PPFIA2: variants seen among roughly 807,000 people sequenced by gnomAD.
PPFIA2 encodes liprin-alpha-2.
A neutral mutation model predicts 175.5 loss-of-function variants in PPFIA2; 46 were observed. That is an observed-to-expected ratio of 0.26 (90% CI 0.21 to 0.34). The LOEUF is 0.34. PPFIA2 is among the 10% of genes least tolerant of loss of function. PPFIA2 has a pLI of 1.00. For missense variants in PPFIA2, 1,179 were observed against 1,506.1 expected, an observed-to-expected ratio of 0.78 and a Z score of 3.60; for synonymous variants, 568 against 511.4, an observed-to-expected ratio of 1.11 and a Z score of -1.49.
intron 7 of PPFIA2, among the ~76,000 whole-genome samples, chr12:81,428,325 G>T (rs1251322959): frequency 6.6e-6 from 1 of 151,960 alleles, no homozygotes; most frequent in East Asian, 1.9e-4. Context: ...CTTATACACA[G>T]TAGGTGACAC....
chr12:81,659,521 T>A (rs1414208848), intron 4 of PPFIA2, among the ~76,000 whole-genome samples: 1 of 152,186 alleles, frequency 6.6e-6, no homozygotes, highest in African/African-American at 2.4e-5. Flanking sequence ...GCGCCCGCCA[T>A]TGCTGAGGCT....
At chr12:81,293,316 G>C (rs2045553687) in intron 24 of PPFIA2, among the ~76,000 whole-genome samples, 1 of 151,760 alleles carries the variant, frequency 6.6e-6, no homozygotes, top group South Asian at 2.1e-4. Context: ...TGCCTTTTTT[G>C]TCACATTTTG....
chr12:81,555,223 C>T (rs928798623), intron 4 of PPFIA2, among the ~76,000 whole-genome samples: 7 of 151,832 alleles, frequency 4.6e-5, no homozygotes, highest in Non-Finnish European at 8.8e-5. Context: ...ATTTGACAAC[C>T]TTTTTAATAG....
intron 5 of PPFIA2, among the ~76,000 whole-genome samples, chr12:81,452,919 T>A (rs1203341528): frequency 6.6e-6 from 1 of 152,196 alleles, no homozygotes; most frequent in Non-Finnish European, 1.5e-5. Context: ...TATTTATAAC[T>A]AGGTATTAAT....
chr12:81,280,217 G>A (rs991697488), intron 27 of PPFIA2, among the ~76,000 whole-genome samples: 25 of 151,980 alleles, frequency 1.6e-4, no homozygotes, highest in Non-Finnish European at 3.4e-4. Context: ...GGAGAGTTTC[G>A]TGCTAAGGAT....
intron 4 of PPFIA2, among the ~76,000 whole-genome samples, chr12:81,558,552 T>C (rs1050624332): frequency 6.6e-6 from 1 of 152,130 alleles, no homozygotes; most frequent in Non-Finnish European, 1.5e-5. Flanking sequence ...ACATTGGTGG[T>C]AGTGGAGACA....
chr12:81,631,686 A>T (rs2063404471), intron 4 of PPFIA2, among the ~76,000 whole-genome samples: 2 of 152,238 alleles, frequency 1.3e-5, no homozygotes, highest in South Asian at 4.1e-4. Context: ...CATAATTTCC[A>T]CAGTGTCTAC....
At chr12:81,595,343 C>T (rs556420703) in intron 4 of PPFIA2, among the ~76,000 whole-genome samples, 3 of 151,760 alleles carry the variant, frequency 2.0e-5, no homozygotes, top group Admixed American at 6.6e-5. Context: ...ACTTCTAATG[C>T]ATAAGAATAC....
intron 22 of PPFIA2, among the ~76,000 whole-genome samples, chr12:81,314,014 T>C (rs2051664041): frequency 6.6e-6 from 1 of 151,980 alleles, no homozygotes; most frequent in Non-Finnish European, 1.5e-5. Context: ...ATATTTTTGT[T>C]ATCAATTCGT....
intron 4 of PPFIA2, among the ~76,000 whole-genome samples, chr12:81,603,972 G>C (rs1027260231): frequency 6.6e-6 from 1 of 151,330 alleles, no homozygotes; most frequent in Non-Finnish European, 1.5e-5. Flanking sequence ...GCCTGGTATT[G>C]TTTCCAGGCT....
intron 4 of PPFIA2, chr12:81,545,450 G>T (rs2066841817): frequency 6.5e-6 from 1 of 152,812 alleles, no homozygotes; most frequent in Non-Finnish European, 1.5e-5. Context: ...ATAAGATGGG[G>T]GGCGGGTGCC....
intron 6 of PPFIA2, among the ~76,000 whole-genome samples, chr12:81,442,798 TG>T (rs1197606180): frequency 7.2e-6 from 1 of 138,620 alleles, no homozygotes; most frequent in Non-Finnish European, 1.6e-5. Flanking sequence ...ATGATAAAGT[TG>T]TTTGTTTCCT....
In PPFIA2 at chr12:81,754,059, T is replaced by C; in HGVS notation, c.163A>G (p.Ser55Gly). ...AGTCTTTGCTGGGCAAGTGAGAGGC[T>C]TTCCTGGGTCTCCCGAAGGGTGTCT... Reference protein sequence around the residue: ...LLDTLRETQESLSLAQQRLQD... With the variant: ...LLDTLRETQEGLSLAQQRLQD... The change falls in exon 3 of 33, where the codon AGC becomes GGC. Residue 55 changes from serine to glycine, a missense_variant. Coordinates refer to ENST00000549396, the MANE Select transcript of PPFIA2 (RefSeq NM_003625.5). 2.5e-6 allele frequency: 4 copies of C among 1,613,840 alleles called. No individual in the cohort carries two copies. Among genetic ancestry groups the C allele is most frequent in the African/African-American group, 1.3e-5 (1 of 75,042 alleles).
chr12:81,584,605 C>T lies in PPFIA2; in HGVS notation c.303+92186G>A, dbSNP rs116985416. Among the ~76,000 whole-genome samples the T allele has an allele frequency of 5.6e-3, 840 of 150,874 alleles. 5 individuals carry two copies. The highest frequency in any genetic ancestry group is 0.01 in the South Asian group (49 of 4,806). On this transcript the variant is annotated intron_variant, in intron 4 of 32. Transcript: ENST00000549396. Reference sequence around the variant, plus strand: ...TGACACAATACATAAATCTAGATGGCGAGCCTACTACGCATCTAGCCTATA... The same window carrying T: ...TGACACAATACATAAATCTAGATGGTGAGCCTACTACGCATCTAGCCTATA...
chr12:81,635,548 C>G lies in PPFIA2; in HGVS notation c.303+41243G>C, dbSNP rs553168965. ...TCACACCTGGGGTCTACAGCCTCAACCAGGAAGACATGAAATGACCTCAGA... is the reference window on the plus strand; with the variant it reads ...TCACACCTGGGGTCTACAGCCTCAAGCAGGAAGACATGAAATGACCTCAGA... On this transcript the variant is annotated intron_variant, in intron 4 of 32. Coordinates refer to ENST00000549396, the MANE Select transcript of PPFIA2 (RefSeq NM_003625.5). Among the ~76,000 whole-genome samples the G allele has an allele frequency of 5.3e-5, 8 of 152,228 alleles. No individual in the cohort carries two copies. The South Asian group carries it at 1.7e-3, about 32-fold the overall frequency.
At chr12:81,579,316 C>A (rs1216139780) in intron 4 of PPFIA2, among the ~76,000 whole-genome samples, 1 of 151,746 alleles carries the variant, frequency 6.6e-6, no homozygotes, top group South Asian at 2.1e-4. Flanking sequence ...TTGTTTTAAT[C>A]AAGCTCTAAT....
At chr12:81,479,293 G>A (rs542035725) in intron 4 of PPFIA2, among the ~76,000 whole-genome samples, 9 of 151,964 alleles carry the variant, frequency 5.9e-5, no homozygotes, top group East Asian at 3.9e-4. Flanking sequence ...ATATTCCTCC[G>A]TCCCTTTATT....
chr12:81,275,503 A>T (rs1425169257), intron 28 of PPFIA2, among the ~76,000 whole-genome samples: 1 of 152,170 alleles, frequency 6.6e-6, no homozygotes, highest in Non-Finnish European at 1.5e-5. Flanking sequence ...CCTAAAAAAA[A>T]TCTTAAGAAT....
intron 5 of PPFIA2, among the ~76,000 whole-genome samples, chr12:81,449,763 T>C (rs1194371978): frequency 6.6e-6 from 1 of 151,690 alleles, no homozygotes; most frequent in Non-Finnish European, 1.5e-5. Flanking sequence ...ACATTAGGTA[T>C]ATCTCCTAAT....
Sources: gnomAD v4.1 joint callset for allele counts (sites outside exome capture counted in the v4.1 genomes callset) on GRCh38, gnomAD v4.1.1 for gene constraint, MANE v1.5 for transcripts, NCBI Gene and HGNC (gene_info 2026-07-23, HGNC 2026-07-21) for gene names.